Variants in ITGA7 observed in about 807,000 individuals in gnomAD.
ITGA7 encodes the protein integrin subunit alpha 7.
Under a neutral mutation model 131.6 loss-of-function variants are expected in ITGA7, and 84 were observed. The observed-to-expected ratio is 0.64, with a 90% CI of 0.54 to 0.77. ITGA7 has a LOEUF of 0.77. Ranked by LOEUF, ITGA7 falls within the 30% of genes least tolerant of loss-of-function variation. The pLI, the probability that ITGA7 is intolerant of heterozygous loss-of-function variation, is 0.00. For missense variants in ITGA7, 1,399 were observed against 1,482.9 expected, an observed-to-expected ratio of 0.94 and a Z score of 0.93; for synonymous variants, 548 against 600.7, an observed-to-expected ratio of 0.91 and a Z score of 1.28.
Position 55,700,889 on chromosome 12 carries a change from A to G in ITGA7, c.670+10T>C, listed in dbSNP as rs754347032. The G allele has an allele frequency of 3.1e-6, 5 of 1,614,008 alleles. No individual in the cohort carries two copies. Among genetic ancestry groups the G allele is most frequent in the Non-Finnish European group, 4.2e-6 (5 of 1,180,016 alleles). On this transcript the variant is annotated intron_variant, in intron 4 of 24. Coordinates refer to ENST00000257879, the MANE Select transcript of ITGA7 (RefSeq NM_002206.3). ...TGGTCCCCTTCTCCCCTTCCCGAGG[A>G]GTGACTCACCCTTCCAATTATAGGT...
intron 4 of ITGA7, chr12:55,700,561 C>G: frequency 1.3e-6 from 1 of 750,060 alleles, no homozygotes; most frequent in Middle Eastern, 3.8e-4. Flanking sequence ...TGGCATCACA[C>G]TCACCGAGTG....
chr12:55,687,100 G>C (rs910225966), intron 24 of ITGA7, among the ~76,000 whole-genome samples: 1 of 149,310 alleles, frequency 6.7e-6, no homozygotes, highest in African/African-American at 2.5e-5. Context: ...CCTTGTCCTT[G>C]ACTACAGGCT....
upstream of ITGA7, chr12:55,708,156 G>A (rs1875642521): frequency 4.0e-6 from 2 of 506,072 alleles, no homozygotes; most frequent in Non-Finnish European, 5.1e-6. Context: ...GAGTGGTGGA[G>A]GCGGCGCCTT....
upstream of ITGA7, among the ~76,000 whole-genome samples, chr12:55,710,273 A>G (rs1057497071): frequency 2.0e-5 from 3 of 152,088 alleles, no homozygotes; most frequent in African/African-American, 7.2e-5. Context: ...AGGCACAAGA[A>G]TCACTTAAAC....
chr12:55,688,653 G>A (rs1241304279), intron 22 of ITGA7, among the ~76,000 whole-genome samples, 191 bp downstream of exon 22: 1 of 151,696 alleles, frequency 6.6e-6, no homozygotes, highest in Non-Finnish European at 1.5e-5. Context: ...AACCTGGGAG[G>A]CAGAGGTTGC....
chr12:55,712,080 C>T (rs1311174840), upstream of ITGA7: 5 of 1,551,506 alleles, frequency 3.2e-6, no homozygotes, highest in Non-Finnish European at 4.4e-6. Context: ...GCACTGGAAT[C>T]CTTCTGCCTG....
intron 21 of ITGA7, among the ~76,000 whole-genome samples, chr12:55,691,426 T>C (rs749247371): frequency 7.4e-4 from 113 of 152,270 alleles, no homozygotes; most frequent in Non-Finnish European, 1.2e-3. Context: ...ATGGGGACTG[T>C]AGTTAATAAC....
upstream of ITGA7, chr12:55,716,104 C>G (rs760836371): frequency 3.1e-6 from 5 of 1,600,528 alleles, no homozygotes; most frequent in Middle Eastern, 1.6e-4. Flanking sequence ...CGGAGGGGGC[C>G]CGGCGTACCC....
chr12:55,697,879 CCT>C (rs1342805170), intron 8 of ITGA7, 57 bp from the exon 9 acceptor site: 16 of 1,614,004 alleles, frequency 9.9e-6, no homozygotes, highest in Non-Finnish European at 1.2e-5. Context: ...CTCTGCCTCC[CCT>C]GATGCCTCTG....
Position 55,696,908 on chromosome 12 carries a change from G to C in ITGA7, c.1728C>G (p.Phe576Leu). Residue 576 changes from phenylalanine (F) to leucine (L), a missense_variant, in exon 12 of 25, where the codon TTC becomes TTG. Physicochemically the swap from Phe to Leu is conservative, Grantham distance 22 (BLOSUM62 0). Coordinates refer to ENST00000257879, the MANE Select transcript of ITGA7 (RefSeq NM_002206.3). ...QHDRVCGDAM[F>L]QLQENVKDKL... ...AGGGGTCAGTGTCCACCTGGAGCTGGAACATGGCGTCTCCACAGACTCGGT... is the reference window on the plus strand; with the variant it reads ...AGGGGTCAGTGTCCACCTGGAGCTGCAACATGGCGTCTCCACAGACTCGGT... 6.2e-7 allele frequency: 1 copy of C among 1,614,168 alleles called. No homozygotes were observed. The highest frequency in any genetic ancestry group is 8.5e-7 in the Non-Finnish European group (1 of 1,180,018).
intron 3 of ITGA7, chr12:55,701,473 T>C: frequency 1.3e-6 from 2 of 1,530,708 alleles, no homozygotes; most frequent in Non-Finnish European, 8.9e-7. Context: ...GTCTCCCTGA[T>C]CATGTCACAG....
chr12:55,715,815 TAGAC>T (rs1300148593), upstream of ITGA7: 2 of 490,178 alleles, frequency 4.1e-6, no homozygotes, highest in African/African-American at 4.0e-5. Flanking sequence ...TAAACGGTGA[TAGAC>T]GGCCTGACAC....
chr12:55,691,152 AT>A (rs1871336568), intron 21 of ITGA7, among the ~76,000 whole-genome samples: 1 of 151,830 alleles, frequency 6.6e-6, no homozygotes, highest in Non-Finnish European at 1.5e-5. Flanking sequence ...AAATAAAAAA[AT>A]AAAATAAAAT....
At chr12:55,685,399 G>A in intron 24 of ITGA7, 111 bp from the exon 25 acceptor site, 1 of 978,154 alleles carries the variant, frequency 1.0e-6, no homozygotes, top group Non-Finnish European at 1.6e-6. Context: ...GCGGCAGAAA[G>A]GAAATAGGCT....
Position 55,693,194 on chromosome 12 carries a change from G to A in ITGA7, c.2659C>T (p.Gln887Ter). ...YPMQVELEGGQGPGQKGLCSP... is the reference protein window; with the variant it reads ...YPMQVELEGG Reference sequence around the variant, plus strand: ...CAAAGCCCTTTCTGCCCAGGCCCCTGCCCGCCCTCCAGCTCAACCTGCATT... The same window carrying A: ...CAAAGCCCTTTCTGCCCAGGCCCCTACCCGCCCTCCAGCTCAACCTGCATT... Residue 887 changes from glutamine to a stop codon, truncating the protein, a stop_gained, in exon 20 of 25, where the codon CAG becomes TAG. Coordinates refer to ENST00000257879, the MANE Select transcript of ITGA7 (RefSeq NM_002206.3). LOFTEE classifies it high-confidence loss of function. 1 of 1,613,828 alleles carries A rather than the reference G, an allele frequency of 6.2e-7. No individual in the cohort carries two copies. The highest frequency in any genetic ancestry group is 8.5e-7 in the Non-Finnish European group (1 of 1,179,946).
Position 55,684,926 on chromosome 12 carries a change from G to A in ITGA7, c.*132C>T. Reference sequence around the variant, plus strand: ...GAGTTCTTGTGGGTGGGAGAGGTCTGTGCCCCTGAGGAAGCCGATCCTGCC... The same window carrying A: ...GAGTTCTTGTGGGTGGGAGAGGTCTATGCCCCTGAGGAAGCCGATCCTGCC... On this transcript the variant is annotated 3_prime_UTR_variant, in exon 25 of 25. Coordinates refer to ENST00000257879, the MANE Select transcript of ITGA7 (RefSeq NM_002206.3). 1 of 715,092 alleles carries A rather than the reference G, an allele frequency of 1.4e-6. No homozygotes were observed. Among genetic ancestry groups the A allele is most frequent in the Non-Finnish European group, 2.3e-6 (1 of 441,026 alleles). The allele number at this position is 715,092 out of a possible 1,614,324, so 44.3% of individuals were successfully genotyped here. A position where few individuals can be genotyped will look rare whatever the true frequency, so the allele number is the denominator to read the frequency against.
chr12:55,701,316 G>A, intron 3 of ITGA7, 162 bp from the exon 4 acceptor site: 3 of 1,564,940 alleles, frequency 1.9e-6, no homozygotes, highest in Non-Finnish European at 2.6e-6. Context: ...CACCACTCAA[G>A]CACCATTACC....
chr12:55,705,991 C>A (rs1020081242), intron 1 of ITGA7, among the ~76,000 whole-genome samples: 2 of 152,132 alleles, frequency 1.3e-5, no homozygotes, highest in Non-Finnish European at 2.9e-5. Context: ...AGCAGAGCAC[C>A]CCCTGCTGGA....
chr12:55,710,314 T>C (rs1463073837), upstream of ITGA7, among the ~76,000 whole-genome samples: 5 of 151,242 alleles, frequency 3.3e-5, no homozygotes, highest in Non-Finnish European at 5.9e-5. Flanking sequence ...TGAGCTGAGA[T>C]GGCACCACTG....
Sources: allele counts gnomAD v4.1 joint callset (sites outside exome capture counted in the v4.1 genomes callset), GRCh38; gene constraint gnomAD v4.1.1; transcripts MANE v1.5; gene names NCBI Gene and HGNC (gene_info 2026-07-23, HGNC 2026-07-21).